The following RFX1 variants were observed in gnomAD, a reference collection of about 807,000 sequenced individuals.
RFX1 encodes the protein regulatory factor X1, also known as MHC class II regulatory factor RFX1.
In RFX1, 42 loss-of-function variants were observed where a neutral mutation model predicts 119.6. That is an observed-to-expected ratio of 0.35 (90% CI 0.27 to 0.45). RFX1 has a LOEUF of 0.45. Among genes scored for constraint, RFX1 ranks in the 20% least tolerant of loss-of-function variants. The pLI, the probability that RFX1 is intolerant of heterozygous loss-of-function variation, is 1.00. For synonymous variants in RFX1, 628 were observed against 618.5 expected (o/e 1.02, Z -0.23); for missense variants, 1,118 against 1,368.1 (o/e 0.82, Z 2.88).
intron 1 of RFX1, among the ~76,000 whole-genome samples, chr19:14,005,715 C>A (rs1204689080): frequency 6.6e-6 from 1 of 152,142 alleles, no homozygotes; most frequent in Non-Finnish European, 1.5e-5. Flanking sequence ...GTTGGGGAGA[C>A]CCAGCCGGCC....
rs1222326743 is a variant in RFX1 at position 13,979,547 on chromosome 19, G to A, written c.739-5C>T. ...AGTGGCCTGGACCACAGATCTCTGG[G>A]AGGGGAAAGGCAACAATAAGATGAC... On this transcript the variant is annotated splice_region_variant and splice_polypyrimidine_tract_variant and intron_variant, in intron 6 of 20. Coordinates refer to ENST00000254325, the MANE Select transcript of RFX1 (RefSeq NM_002918.5). The A allele has an allele frequency of 3.2e-6, 5 of 1,579,444 alleles. No individual in the cohort carries two copies. The highest frequency in any genetic ancestry group is 4.7e-5 in the East Asian group (2 of 42,976).
intron 8 of RFX1, among the ~76,000 whole-genome samples, chr19:13,977,777 C>T (rs531002418): frequency 1.3e-5 from 2 of 151,958 alleles, no homozygotes; most frequent in African/African-American, 4.8e-5. Flanking sequence ...TAAGCTATGC[C>T]GGGGTGCCTT....
chr19:13,975,707 T>C lies in RFX1; in HGVS notation c.929+2285A>G, dbSNP rs73924063. ...GCAATGTGTGCTGCAAAAAGGTTGC[T>C]TTGGTAGATGGTTGCTGAATGACTG... On this transcript the variant is annotated intron_variant, in intron 8 of 20. Coordinates refer to ENST00000254325, the MANE Select transcript of RFX1 (RefSeq NM_002918.5). 3.0e-3 allele frequency among the ~76,000 whole-genome samples: 453 copies of C among 152,288 alleles called. 5 individuals are homozygous for C. The highest frequency in any genetic ancestry group is 0.01 in the African/African-American group (426 of 41,552).
chr19:13,968,503 G>A lies in RFX1; in HGVS notation c.1732+62C>T, dbSNP rs1973973598. The A allele has an allele frequency of 4.4e-6, 6 of 1,375,798 alleles. No individual in the cohort carries two copies. Among genetic ancestry groups the A allele is most frequent in the Non-Finnish European group, 6.2e-6 (6 of 966,088 alleles). The allele number at this position is 1,375,798 out of a possible 1,614,324, so 85.2% of individuals were successfully genotyped here. ...GGCTGCCTGCCGCCATCCAGCTTTG[G>A]GAACCGTCTGCACGGGGCAGGGAGG... On this transcript the variant is annotated intron_variant, in intron 12 of 20. Transcript: ENST00000254325. The surrounding 1 kb of genome is among the most constrained non-coding windows in gnomAD (Gnocchi z 5.5).
chr19:13,972,234 T>C lies in RFX1; in HGVS notation c.1314+509A>G, dbSNP rs184609772. Among the ~76,000 whole-genome samples, 3 of 150,586 alleles carry C rather than the reference T, an allele frequency of 2.0e-5. No individual in the cohort carries two copies. The East Asian group carries it at 5.9e-4, about 29-fold the overall frequency. On this transcript the variant is annotated intron_variant, in intron 9 of 20. Transcript: ENST00000254325. Reference sequence around the variant, plus strand: ...TTTTTTGAGACAGAATCTTGCTGTGTCTCCCAGGCTTGAGTGCGGTGGCGC... The same window carrying C: ...TTTTTTGAGACAGAATCTTGCTGTGCCTCCCAGGCTTGAGTGCGGTGGCGC...
At chr19:13,975,519 T>C (rs1974228452) in intron 8 of RFX1, among the ~76,000 whole-genome samples, 2 of 151,832 alleles carry the variant, frequency 1.3e-5, no homozygotes, top group Admixed American at 1.3e-4. Context: ...TGGAAGGAGA[T>C]ATGGAAGCAT....
chr19:13,967,367 G>T (rs1300000378), intron 12 of RFX1, among the ~76,000 whole-genome samples: 2 of 151,656 alleles, frequency 1.3e-5, no homozygotes, highest in Non-Finnish European at 2.9e-5. Context: ...TAAGAGATGG[G>T]GTCTTGCTAT....
chr19:13,974,041 C>T (rs1974175953), intron 8 of RFX1, among the ~76,000 whole-genome samples: 1 of 152,130 alleles, frequency 6.6e-6, no homozygotes, highest in Non-Finnish European at 1.5e-5. Context: ...CGAGTGCCTA[C>T]TGTGTGCTAG....
In RFX1 at chr19:13,966,047, G is replaced by A. The variant is rs948243594; in HGVS notation, c.1962-270C>T. Among the ~76,000 whole-genome samples the A allele has an allele frequency of 9.2e-5, 14 of 151,946 alleles. No homozygotes were observed. Among genetic ancestry groups the A allele is most frequent in the African/African-American group, 2.9e-4 (12 of 41,342 alleles). On this transcript the variant is annotated intron_variant, in intron 14 of 20. Transcript: ENST00000254325. The surrounding 1 kb of genome is among the most constrained non-coding windows in gnomAD (Gnocchi z 6.3). ...GGCACTCTGTGGCCCTGCCCCCAGCGTCAGAAGGGCACAGGTACCCCCGTC... is the reference window on the plus strand; with the variant it reads ...GGCACTCTGTGGCCCTGCCCCCAGCATCAGAAGGGCACAGGTACCCCCGTC...
At chr19:13,984,052 G>C (rs1974520497) in intron 2 of RFX1, among the ~76,000 whole-genome samples, 1 of 152,076 alleles carries the variant, frequency 6.6e-6, no homozygotes, top group Admixed American at 6.5e-5. Flanking sequence ...CGGAGGAGTG[G>C]TCCCTGGAAG....
intron 1 of RFX1, among the ~76,000 whole-genome samples, chr19:13,994,736 T>C (rs992657290): frequency 5.3e-5 from 8 of 149,624 alleles, no homozygotes; most frequent in Admixed American, 4.7e-4. Context: ...TGTGTGTGTG[T>C]GTGTGTGTGT....
Position 13,968,599 on chromosome 19 carries a change from G to A in RFX1, c.1698C>T (p.Ile566=), listed in dbSNP as rs1054762. 1.9e-6 allele frequency: 3 copies of A among 1,613,390 alleles called. No individual in the cohort carries two copies. The highest frequency in any genetic ancestry group is 1.7e-5 in the Admixed American group (1 of 60,034). Residue 566 remains isoleucine (I), a synonymous_variant, in exon 12 of 21, where the codon ATC becomes ATT. Transcript: ENST00000254325. The surrounding 1 kb of genome is among the most constrained non-coding windows in gnomAD (Gnocchi z 5.5). ...GQQPSTGLSD[I]SAQVQQYQQF... ...GCTGGTACTGCTGCACCTGGGCGCT[G>A]ATGTCCGACAGCCCCGTGCTCGGCT... is the stretch of plus-strand genomic sequence containing the variant.
chr19:13,987,971 C>CT (rs1252813920), intron 2 of RFX1, among the ~76,000 whole-genome samples: 1 of 151,776 alleles, frequency 6.6e-6, no homozygotes, highest in Non-Finnish European at 1.5e-5. Flanking sequence ...CGGCCTAGCT[C>CT]TGTCTGACCC....
At chr19:13,974,291 GAT>G (rs1465843695) in intron 8 of RFX1, among the ~76,000 whole-genome samples, 2 of 152,194 alleles carry the variant, frequency 1.3e-5, no homozygotes, top group African/African-American at 4.8e-5. Flanking sequence ...CAGGAATGCA[GAT>G]ATGTTTCCCC....
Position 13,963,030 on chromosome 19 carries a change from G to C in RFX1, c.2734C>G (p.Leu912Val). 6.4e-7 allele frequency: 1 copy of C among 1,559,750 alleles called. No individual in the cohort carries two copies. The highest frequency in any genetic ancestry group is 8.7e-7 in the Non-Finnish European group (1 of 1,151,448). Residue 912 changes from leucine (L) to valine (V), a missense_variant, in exon 20 of 21, where the codon CTG becomes GTG. Coordinates refer to ENST00000254325, the MANE Select transcript of RFX1 (RefSeq NM_002918.5). Reference sequence around the variant, plus strand: ...TCCAGGGGGTTCAGGGAGGTGGCCAGATTGGCGAACTGGAGGAAGAAGAGA... The same window carrying C: ...TCCAGGGGGTTCAGGGAGGTGGCCACATTGGCGAACTGGAGGAAGAAGAGA... Reference protein sequence around the residue: ...PIAVMGEFANLATSLNPLDPD... With the variant: ...PIAVMGEFANVATSLNPLDPD...
At position 13,972,730 on chromosome 19, in the gene RFX1, T is replaced by C. The variant is rs1004626232; in HGVS notation, c.1314+13A>G. On this transcript the variant is annotated intron_variant, in intron 9 of 20. Coordinates refer to ENST00000254325, the MANE Select transcript of RFX1 (RefSeq NM_002918.5). ...CTGCCTGCCTCCTCTGGGGCCCGCGTTGGGGCACTTACCGTGGCTGGCGAG... is the reference window on the plus strand; with the variant it reads ...CTGCCTGCCTCCTCTGGGGCCCGCGCTGGGGCACTTACCGTGGCTGGCGAG... 6 of 1,579,876 alleles carry C rather than the reference T, an allele frequency of 3.8e-6. No individual in the cohort carries two copies. The highest frequency in any genetic ancestry group is 1.3e-5 in the African/African-American group (1 of 74,292).
At position 13,980,630 on chromosome 19, in the gene RFX1, T is replaced by C. The variant is rs756593193; in HGVS notation, c.681A>G (p.Thr227=). The C allele has an allele frequency of 6.3e-7, 1 of 1,585,338 alleles. No homozygotes were observed. Among genetic ancestry groups the C allele is most frequent in the Admixed American group, 1.7e-5 (1 of 57,618 alleles). The stretch of plus-strand genomic sequence containing the variant: ...CGTGGACCTGCAGCTGCTGTGGCAC[T>C]GTGCCCGTGGGGGCCCCGGCTGTCT... ...SSKTAGAPTG[T]VPQQLQVHGV... The change falls in exon 6 of 21, where the codon ACA becomes ACG. Residue 227 remains threonine (T), a synonymous_variant. Coordinates refer to ENST00000254325, the MANE Select transcript of RFX1 (RefSeq NM_002918.5). The surrounding 1 kb of genome is among the most constrained non-coding windows in gnomAD (Gnocchi z 5.1).
At position 13,968,653 on chromosome 19, in the gene RFX1, G is replaced by A. The variant is rs2058031225; in HGVS notation, c.1644C>T (p.Gly548=). 1 of 1,613,296 alleles carries A rather than the reference G, an allele frequency of 6.2e-7. No individual in the cohort carries two copies. ...GCCCCACCGCCACGCCGTTGGTCAT[G>A]CCTTCCATCTTCTGGATGGGCTTGA... The part of the protein sequence containing the change: ...QRLKPIQKME[G]MTNGVAVGQQ... The change falls in exon 12 of 21, where the codon GGC becomes GGT. Residue 548 remains glycine (G), a synonymous_variant. Coordinates refer to ENST00000254325, the MANE Select transcript of RFX1 (RefSeq NM_002918.5). This position sits in a 1 kb window ranked among gnomAD's most constrained non-coding sequence, Gnocchi z 5.5.
rs1488528508 is a variant in RFX1 at position 13,963,035 on chromosome 19, G to A, written c.2729C>T (p.Ala910Val). ...GGGGTTCAGGGAGGTGGCCAGATTG[G>A]CGAACTGGAGGAAGAAGAGAAGAAA... ...ETPIAVMGEFANLATSLNPLD... is the reference protein window; with the variant it reads ...ETPIAVMGEFVNLATSLNPLD... The change falls in exon 20 of 21, where the codon GCC becomes GTC. Residue 910 changes from alanine (A) to valine (V), a missense_variant. Ala to Val is a moderately conservative substitution (Grantham distance 64, BLOSUM62 0). Transcript: ENST00000254325. 1.9e-6 allele frequency: 3 copies of A among 1,561,802 alleles called. No individual in the cohort carries two copies. In the African/African-American group the frequency reaches 4.1e-5, roughly 21 times the overall value.
Sources: allele counts gnomAD v4.1 joint callset (sites outside exome capture counted in the v4.1 genomes callset), GRCh38; gene constraint gnomAD v4.1.1; non-coding constraint Gnocchi (gnomAD v3.1); transcripts MANE v1.5; gene names NCBI Gene and HGNC (gene_info 2026-07-23, HGNC 2026-07-21).